Variants in RBPMS observed in about 807,000 individuals in gnomAD.
RBPMS encodes the protein RNA binding protein, mRNA processing factor.
Under a neutral mutation model 26.8 loss-of-function variants are expected in RBPMS, and 7 were observed. That is an observed-to-expected ratio of 0.26 (90% CI 0.15 to 0.49). RBPMS has a LOEUF of 0.49. Ranked by LOEUF, RBPMS falls within the 20% of genes least tolerant of loss-of-function variation. The pLI is 0.98. For synonymous variants in RBPMS, 96 were observed against 93.3 expected (o/e 1.03, Z -0.17); for missense variants, 186 against 250.0 (o/e 0.74, Z 1.73).
At chr8:30,495,508 G>A (rs1303641186) in intron 4 of RBPMS, among the ~76,000 whole-genome samples, 1 of 152,080 alleles carries the variant, frequency 6.6e-6, no homozygotes, top group African/African-American at 2.4e-5. Context: ...TTTACCAATG[G>A]ACAGGCAAAC....
chr8:30,438,445 G>T (rs149552454), intron 1 of RBPMS, among the ~76,000 whole-genome samples: 33 of 152,298 alleles, frequency 2.2e-4, no homozygotes, highest in Non-Finnish European at 3.2e-4. Flanking sequence ...TGCCATTTAC[G>T]TGAAACTTGT....
rs1488317743 is a variant in RBPMS, at chr8:30,568,049, C to G, written c.*111+1689C>G. The stretch of plus-strand genomic sequence containing the variant: ...AATGGAGTTCCAAACTGCAGAAGAC[C>G]ATGCCCCTAGAGGCTCCAGAGACCG... On this transcript the variant is annotated intron_variant, in intron 8 of 8. Coordinates refer to ENST00000397323, the MANE Select transcript of RBPMS (RefSeq NM_001008710.3). Among the ~76,000 whole-genome samples the G allele has an allele frequency of 2.0e-5, 3 of 152,206 alleles. No homozygotes were observed. In the East Asian group the frequency reaches 5.8e-4, roughly 29 times the overall value.
chr8:30,461,044 C>T (rs1366917474), intron 1 of RBPMS, among the ~76,000 whole-genome samples: 2 of 101,682 alleles, frequency 2.0e-5, no homozygotes, highest in Non-Finnish European at 4.4e-5. Flanking sequence ...CAGACCCCAT[C>T]TGAAAAAAAA....
intron 4 of RBPMS, among the ~76,000 whole-genome samples, chr8:30,489,106 G>A (rs947114812): frequency 1.3e-5 from 2 of 151,906 alleles, no homozygotes; most frequent in Non-Finnish European, 2.9e-5. Context: ...GAGTGCAGTG[G>A]TGCCATCATG....
At chr8:30,534,577 G>A (rs1263721299) in intron 5 of RBPMS, among the ~76,000 whole-genome samples, 2 of 152,346 alleles carry the variant, frequency 1.3e-5, no homozygotes, top group Non-Finnish European at 2.9e-5. Context: ...TGAGTTCCTA[G>A]AGCAGGAGAA....
At chr8:30,433,056 A>G (rs934472761) in intron 1 of RBPMS, among the ~76,000 whole-genome samples, 15 of 152,198 alleles carry the variant, frequency 9.9e-5, no homozygotes, top group Non-Finnish European at 2.9e-5. Context: ...TCAGTCTAAA[A>G]ACCAGATAAA....
At chr8:30,541,041 C>G (rs958160590) in intron 5 of RBPMS, among the ~76,000 whole-genome samples, 1 of 152,142 alleles carries the variant, frequency 6.6e-6, no homozygotes, top group African/African-American at 2.4e-5. Context: ...TAGATGTTTT[C>G]AGGAGGCAAA....
intron 1 of RBPMS, among the ~76,000 whole-genome samples, chr8:30,416,918 C>T (rs755150353): frequency 6.6e-6 from 1 of 152,152 alleles, no homozygotes; most frequent in Non-Finnish European, 1.5e-5. Context: ...TACAGGCATG[C>T]ACCACTATGC....
At chr8:30,466,952 C>A (rs1266632317) in intron 1 of RBPMS, among the ~76,000 whole-genome samples, 1 of 152,158 alleles carries the variant, frequency 6.6e-6, no homozygotes, top group Non-Finnish European at 1.5e-5. Context: ...AGCAATGTGA[C>A]CTCCTGAACC....
intron 6 of RBPMS, chr8:30,547,562 T>G: frequency 7.6e-7 from 1 of 1,312,348 alleles, no homozygotes; most frequent in East Asian, 2.4e-5. Context: ...TGATGCAATT[T>G]TGGAGCAAAG....
intron 1 of RBPMS, among the ~76,000 whole-genome samples, chr8:30,469,883 G>T (rs1460194782): frequency 2.6e-5 from 4 of 151,992 alleles, no homozygotes; most frequent in African/African-American, 9.7e-5. Flanking sequence ...TAGTTACTTT[G>T]TGAATGAGCT....
chr8:30,437,359 A>AC (rs1812583872), intron 1 of RBPMS, among the ~76,000 whole-genome samples: 2 of 152,194 alleles, frequency 1.3e-5, no homozygotes, highest in East Asian at 1.9e-4. Context: ...GGCTTTTTTA[A>AC]AAACGATGTT....
At chr8:30,494,175 G>A (rs905982086) in intron 4 of RBPMS, among the ~76,000 whole-genome samples, 3 of 152,182 alleles carry the variant, frequency 2.0e-5, no homozygotes, top group Non-Finnish European at 2.9e-5. Flanking sequence ...CTCCCTGTGG[G>A]GGAAACACAG....
chr8:30,489,829 G>A (rs1819202223), intron 4 of RBPMS, among the ~76,000 whole-genome samples: 1 of 149,144 alleles, frequency 6.7e-6, no homozygotes, highest in South Asian at 2.2e-4. Context: ...TTTTGTTTTT[G>A]AGACGGAGTC....
chr8:30,547,337 C>G (rs1453776464), intron 6 of RBPMS: 2 of 1,613,812 alleles, frequency 1.2e-6, no homozygotes, highest in Non-Finnish European at 1.7e-6. Flanking sequence ...CTTTTGTCCA[C>G]TTCTCCAGCA....
At chr8:30,390,738 A>T (rs531747840) in intron 1 of RBPMS, among the ~76,000 whole-genome samples, 1 of 152,248 alleles carries the variant, frequency 6.6e-6, no homozygotes, top group African/African-American at 2.4e-5. Flanking sequence ...ACTCCTGGTT[A>T]TTATTTTTTT....
intron 5 of RBPMS, among the ~76,000 whole-genome samples, chr8:30,511,496 T>A (rs1252642337): frequency 0.014 from 10 of 704 alleles, no homozygotes; most frequent in African/African-American, 0.04. Flanking sequence ...AATATATATA[T>A]ATATATATAT....
intron 1 of RBPMS, among the ~76,000 whole-genome samples, chr8:30,423,830 T>TTTG (rs1554510217): frequency 0.013 from 1,922 of 151,210 alleles, 45 homozygotes; most frequent in African/African-American, 0.044. Context: ...TTTTGTTTTT[T>TTTG]TTGTTGTTGT....
chr8:30,389,410 A>G (rs1362840373), intron 1 of RBPMS, among the ~76,000 whole-genome samples: 1 of 152,216 alleles, frequency 6.6e-6, no homozygotes, highest in Non-Finnish European at 1.5e-5. Context: ...ATGGTTTCAC[A>G]TGATTTTCGT....
Sources: gnomAD v4.1 joint callset for allele counts (sites outside exome capture counted in the v4.1 genomes callset) on GRCh38, gnomAD v4.1.1 for gene constraint, MANE v1.5 for transcripts, NCBI Gene and HGNC (gene_info 2026-07-23, HGNC 2026-07-21) for gene names.